The following PPP4R4 variants were observed in gnomAD, a reference collection of about 807,000 sequenced individuals.
PPP4R4 encodes the protein serine/threonine-protein phosphatase 4 regulatory subunit 4.
In PPP4R4, 70 loss-of-function variants were observed where a neutral mutation model predicts 121.8. The ratio of observed to expected loss-of-function variants is 0.57; its 90% CI spans 0.47 to 0.70. The LOEUF (loss-of-function observed/expected upper bound fraction) is 0.70. Ranked by LOEUF, PPP4R4 falls within the 30% of genes least tolerant of loss-of-function variation. The pLI, the probability that PPP4R4 is intolerant of heterozygous loss-of-function variation, is 0.00. For missense variants in PPP4R4, 875 were observed against 1,033.6 expected (o/e 0.85, Z 2.10); for synonymous variants, 348 against 355.7 (o/e 0.98, Z 0.24).
In PPP4R4 at chr14:94,258,937, C is replaced by T. The variant is rs746655746; in HGVS notation, c.2052+113C>T. ...AAGAGGTTTAATTGAACTCACAGTT[C>T]CACGTGGCTGGGGAGGCCTCACAAT... On this transcript the variant is annotated intron_variant, in intron 18 of 24. Coordinates refer to ENST00000304338, the MANE Select transcript of PPP4R4 (RefSeq NM_058237.2). 16 of 1,011,274 alleles carry T rather than the reference C, an allele frequency of 1.6e-5. No homozygotes were observed. In the Admixed American group the frequency reaches 3.5e-4, roughly 22 times the overall value. 62.6% of individuals were successfully genotyped at this position (1,011,274 alleles called of 1,614,324 possible). A position where few individuals can be genotyped will look rare whatever the true frequency, so the allele number is the denominator to read the frequency against.
chr14:94,243,746 C>T (rs1892747402), intron 11 of PPP4R4, among the ~76,000 whole-genome samples: 1 of 151,532 alleles, frequency 6.6e-6, no homozygotes, highest in African/African-American at 2.4e-5. Context: ...AATGATGTGC[C>T]TCTCCATAAA....
intron 3 of PPP4R4, among the ~76,000 whole-genome samples, chr14:94,211,046 A>G (rs769295361): frequency 9.2e-5 from 14 of 152,134 alleles, no homozygotes; most frequent in Non-Finnish European, 2.1e-4. Flanking sequence ...TTGCTTGGCC[A>G]TGATTTCTCA....
chr14:94,237,604 A>G lies in PPP4R4; in HGVS notation c.771A>G (p.Ile257Met). ...AAAGTGTGGTGCTCCCTGAATTAAT[A>G]GAACTTTCTAGGGATGAAGGCAGCA... ...LTKSVVLPEL[I>M]ELSRDEGSSV... Residue 257 changes from isoleucine to methionine, a missense_variant, in exon 8 of 25, where the codon ATA becomes ATG. Coordinates refer to ENST00000304338, the MANE Select transcript of PPP4R4 (RefSeq NM_058237.2). The G allele has an allele frequency of 1.2e-6, 2 of 1,612,788 alleles. No individual in the cohort carries two copies. Among genetic ancestry groups the G allele is most frequent in the Non-Finnish European group, 1.7e-6 (2 of 1,178,748 alleles).
At chr14:94,224,208 T>A (rs1374868118) in intron 3 of PPP4R4, among the ~76,000 whole-genome samples, 1 of 152,152 alleles carries the variant, frequency 6.6e-6, no homozygotes, top group African/African-American at 2.4e-5. Context: ...CAAAAGGAGT[T>A]GCCGAGACAG....
At chr14:94,214,757 T>G (rs982008362) in intron 3 of PPP4R4, among the ~76,000 whole-genome samples, 5 of 152,154 alleles carry the variant, frequency 3.3e-5, no homozygotes, top group Admixed American at 3.3e-4. Flanking sequence ...GATTGAGCAT[T>G]CCTAATCCTC....
At chr14:94,174,614 G>C (rs753695376) in intron 1 of PPP4R4, 32 bp downstream of exon 1, 1 of 1,603,666 alleles carries the variant, frequency 6.2e-7, no homozygotes, top group South Asian at 1.1e-5. Flanking sequence ...TGCCCTCACG[G>C]CGTCCGGCCG....
At chr14:94,185,980 T>G (rs1415410643) in intron 2 of PPP4R4, among the ~76,000 whole-genome samples, 1 of 152,218 alleles carries the variant, frequency 6.6e-6, no homozygotes, top group Non-Finnish European at 1.5e-5. Context: ...CAACCATTAA[T>G]CTGCTTTTTG....
At chr14:94,260,399 C>T (rs1041505303) in intron 19 of PPP4R4, among the ~76,000 whole-genome samples, 7 of 152,144 alleles carry the variant, frequency 4.6e-5, no homozygotes, top group Admixed American at 3.3e-4. Flanking sequence ...GCACACCAGC[C>T]TGGGTGACAG....
intron 23 of PPP4R4, among the ~76,000 whole-genome samples, chr14:94,274,822 C>T (rs1214041406): frequency 6.6e-6 from 1 of 152,154 alleles, no homozygotes; most frequent in East Asian, 1.9e-4. Context: ...TATGTCCACA[C>T]ACAGACTTGT....
chr14:94,247,575 A>G (rs960415664), intron 14 of PPP4R4, among the ~76,000 whole-genome samples: 3 of 152,222 alleles, frequency 2.0e-5, no homozygotes, highest in South Asian at 2.1e-4. Flanking sequence ...CAAAGCCACC[A>G]TCACCCTGAT....
rs1893613563 is a variant in PPP4R4 at position 94,258,795 on chromosome 14, T to A, written c.2023T>A (p.Leu675Met). Residue 675 changes from leucine (L) to methionine (M), a missense_variant, in exon 18 of 25, where the codon TTG (leucine) becomes ATG (methionine). Physicochemically the swap from Leu to Met is conservative, Grantham distance 15 (BLOSUM62 2). Transcript: ENST00000304338. Reference sequence around the variant, plus strand: ...ACTTTCCTTATAGACTGTATTAGAGTTGGACAGAATGGAAATGTCTATGGA... The same window carrying A: ...ACTTTCCTTATAGACTGTATTAGAGATGGACAGAATGGAAATGTCTATGGA... Reference protein sequence around the residue: ...LAIVKRTVLELDRMEMSMDAF... With the variant: ...LAIVKRTVLEMDRMEMSMDAF... 3 of 1,582,192 alleles carry A rather than the reference T, an allele frequency of 1.9e-6. No individual in the cohort carries two copies. The highest frequency in any genetic ancestry group is 2.6e-6 in the Non-Finnish European group (3 of 1,151,758).
At chr14:94,265,045 A>C in intron 20 of PPP4R4, 98 bp downstream of exon 20, 4 of 1,076,070 alleles carry the variant, frequency 3.7e-6, no homozygotes, top group Non-Finnish European at 4.1e-6. Context: ...TTGATATGGA[A>C]AATTGCTTTA....
intron 3 of PPP4R4, among the ~76,000 whole-genome samples, chr14:94,217,966 C>T (rs1891119901): frequency 1.3e-5 from 2 of 151,812 alleles, no homozygotes; most frequent in Non-Finnish European, 1.5e-5. Context: ...TGCACTCTAG[C>T]ATAGGCAACA....
chr14:94,224,851 G>A (rs1156441463), intron 3 of PPP4R4, among the ~76,000 whole-genome samples: 1 of 152,134 alleles, frequency 6.6e-6, no homozygotes, highest in Non-Finnish European at 1.5e-5. Context: ...CAAAAGTGGA[G>A]AACTGCTATT....
chr14:94,182,992 C>T (rs1889071909), intron 2 of PPP4R4, among the ~76,000 whole-genome samples: 1 of 152,114 alleles, frequency 6.6e-6, no homozygotes, highest in Admixed American at 6.5e-5. Context: ...AGTTAATAGC[C>T]TTTAGATGTT....
chr14:94,259,553 C>A (rs992523189), intron 19 of PPP4R4, among the ~76,000 whole-genome samples, 184 bp downstream of exon 19: 1 of 152,062 alleles, frequency 6.6e-6, no homozygotes, highest in Non-Finnish European at 1.5e-5. Flanking sequence ...ATTTGAGAGC[C>A]TTTTAAAAAA....
chr14:94,266,211 G>T (rs1397291849), intron 22 of PPP4R4, among the ~76,000 whole-genome samples: 2 of 152,062 alleles, frequency 1.3e-5, no homozygotes, highest in South Asian at 2.1e-4. Flanking sequence ...GTATGAGTAT[G>T]TTCCATTATC....
chr14:94,241,797 C>G lies in PPP4R4; in HGVS notation c.986C>G (p.Thr329Ser). ...TTTATATTTGTTTTAGGAATTTTCA[C>G]TCCAGATCAGCACTTGAGATTTTTG... Reference protein sequence around the residue: ...KLCHGLYGIFTPDQHLRFLEF... With the variant: ...KLCHGLYGIFSPDQHLRFLEF... The change falls in exon 10 of 25, where the codon ACT becomes AGT. Residue 329 changes from threonine (T) to serine (S), a missense_variant. Physicochemically the swap from Thr to Ser is moderately conservative, Grantham distance 58. Coordinates refer to ENST00000304338, the MANE Select transcript of PPP4R4 (RefSeq NM_058237.2). 6.4e-7 allele frequency: 1 copy of G among 1,571,946 alleles called. No individual in the cohort carries two copies. The highest frequency in any genetic ancestry group is 8.6e-7 in the Non-Finnish European group (1 of 1,166,684).
intron 14 of PPP4R4, among the ~76,000 whole-genome samples, chr14:94,248,096 C>T (rs192420373): frequency 2.0e-5 from 3 of 152,122 alleles, no homozygotes; most frequent in African/African-American, 7.2e-5. Context: ...TTGAAGGCAT[C>T]CAAATAGGAA....
Sources: allele counts gnomAD v4.1 joint callset (sites outside exome capture counted in the v4.1 genomes callset), GRCh38; gene constraint gnomAD v4.1.1; transcripts MANE v1.5; gene names NCBI Gene and HGNC (gene_info 2026-07-23, HGNC 2026-07-21).